ITSN2: variants seen among roughly 807,000 people sequenced by gnomAD.
ITSN2 encodes the protein intersectin 2.
A neutral mutation model predicts 243.7 loss-of-function variants in ITSN2; 156 were observed. The ratio of observed to expected loss-of-function variants is 0.64; its 90% CI spans 0.56 to 0.73. The LOEUF (loss-of-function observed/expected upper bound fraction) is 0.73, where lower values mean the gene tolerates loss of function less well. ITSN2 is among the 30% of genes least tolerant of loss of function. The pLI is 0.00. For missense variants in ITSN2, 1,801 were observed against 1,996.1 expected, an observed-to-expected ratio of 0.90 and a Z score of 1.86; for synonymous variants, 703 against 699.9, an observed-to-expected ratio of 1.00 and a Z score of -0.07.
intron 32 of ITSN2, among the ~76,000 whole-genome samples, chr2:24,213,122 T>G (rs1320659461): frequency 6.6e-6 from 1 of 152,158 alleles, no homozygotes; most frequent in Non-Finnish European, 1.5e-5. Context: ...GTGCTGGGAC[T>G]GTCCCCTGCC....
intron 2 of ITSN2, among the ~76,000 whole-genome samples, chr2:24,327,368 A>G (rs1366797305): frequency 6.6e-6 from 1 of 150,928 alleles, no homozygotes; most frequent in Admixed American, 6.6e-5. Context: ...CTATCTCGGT[A>G]CACTGCAACC....
intron 1 of ITSN2, chr2:24,334,491 G>A (rs759038407): frequency 4.5e-5 from 31 of 685,880 alleles, no homozygotes; most frequent in Non-Finnish European, 8.3e-5. Context: ...TACTTTCCGT[G>A]CCAATAGCGC....
chr2:24,357,009 C>T (rs907976211), intron 1 of ITSN2, among the ~76,000 whole-genome samples: 5 of 151,950 alleles, frequency 3.3e-5, no homozygotes, highest in South Asian at 2.1e-4. Flanking sequence ...CGAAATGGAA[C>T]GCTTTTACAC....
upstream of ITSN2, among the ~76,000 whole-genome samples, chr2:24,361,131 G>A (rs1688969716): frequency 2.0e-5 from 3 of 152,128 alleles, no homozygotes; most frequent in Non-Finnish European, 4.4e-5. Flanking sequence ...CACACGCGGA[G>A]CGCCCACGAG....
chr2:24,204,173 G>A lies in ITSN2; in HGVS notation c.4936+72C>T, dbSNP rs961699800. ...GGCATGGGGTCTGCACACAGCTGAA[G>A]CCCCTAGATCTGGACTCCAGGATCT... is the stretch of plus-strand genomic sequence containing the variant. On this transcript the variant is annotated intron_variant, in intron 39 of 39. Coordinates refer to ENST00000355123, the MANE Select transcript of ITSN2 (RefSeq NM_006277.3). This position sits in a 1 kb window ranked among gnomAD's most constrained non-coding sequence, Gnocchi z 5.1. The A allele has an allele frequency of 2.5e-5, 37 of 1,462,378 alleles. No homozygotes were observed. Among genetic ancestry groups the A allele is most frequent in the Non-Finnish European group, 3.4e-5 (36 of 1,048,794 alleles). The allele number at this position is 1,462,378 out of a possible 1,614,324, so 90.6% of individuals were successfully genotyped here.
intron 27 of ITSN2, among the ~76,000 whole-genome samples, chr2:24,247,163 T>C (rs1230582546): frequency 1.3e-5 from 2 of 152,172 alleles, no homozygotes; most frequent in Admixed American, 6.5e-5. Context: ...GTATCAGCTC[T>C]ACCTTGGTAG....
intron 18 of ITSN2, among the ~76,000 whole-genome samples, chr2:24,275,252 T>C (rs558751795): frequency 6.6e-6 from 1 of 152,352 alleles, no homozygotes; most frequent in South Asian, 2.1e-4. Flanking sequence ...AAGGTCTTGC[T>C]ATGTTGCCCA....
In ITSN2 at chr2:24,358,187, G is replaced by T. The variant is rs1247815131; in HGVS notation, c.-34+2117C>A. On this transcript the variant is annotated intron_variant, in intron 1 of 39. Coordinates refer to ENST00000355123, the MANE Select transcript of ITSN2 (RefSeq NM_006277.3). ...GCCTCCCAAAGTGCTGGGATTACAG[G>T]CATGAGCCAGGGCACCCGGCACATA... 2.6e-5 allele frequency among the ~76,000 whole-genome samples: 4 copies of T among 152,214 alleles called. No homozygotes were observed. In the East Asian group the frequency reaches 7.7e-4, roughly 29 times the overall value.
rs756711322 is a variant in ITSN2 at position 24,271,859 on chromosome 2, C to A, written c.2164G>T (p.Glu722Ter). 1.9e-6 allele frequency: 3 copies of A among 1,609,532 alleles called. No homozygotes were observed. The highest frequency in any genetic ancestry group is 2.5e-6 in the Non-Finnish European group (3 of 1,178,948). ...EEEKQKRLQE[E>*]KTQEKIQEEE... ...TCTTGAATTTTTTCTTGTGTTTTTT[C>A]TTCCTGGAGTCGCTTTTGTTTTTCT... Residue 722 changes from glutamate (E) to a stop codon, truncating the protein, a stop_gained, in exon 19 of 40, where the codon GAA becomes TAA. Transcript: ENST00000355123. LOFTEE classifies it high-confidence loss of function.
chr2:24,302,738 G>A (rs994624193), intron 9 of ITSN2, among the ~76,000 whole-genome samples: 1 of 152,072 alleles, frequency 6.6e-6, no homozygotes, highest in Non-Finnish European at 1.5e-5. Flanking sequence ...CTTACTCCAT[G>A]GTTAATTCAC....
At chr2:24,230,235 G>A (rs996774780) in intron 29 of ITSN2, among the ~76,000 whole-genome samples, 5 of 152,080 alleles carry the variant, frequency 3.3e-5, no homozygotes, top group Admixed American at 6.5e-5. Flanking sequence ...AGCTGCTCAC[G>A]CCACCTGATA....
At chr2:24,302,399 C>T (rs1232985699) in intron 9 of ITSN2, among the ~76,000 whole-genome samples, 4 of 152,048 alleles carry the variant, frequency 2.6e-5, no homozygotes, top group South Asian at 2.1e-4. Context: ...GGGGTTTCAC[C>T]GTGTTAGCCA....
intron 1 of ITSN2, among the ~76,000 whole-genome samples, chr2:24,345,267 G>A (rs1441006962): frequency 6.6e-6 from 1 of 151,934 alleles, no homozygotes; most frequent in Admixed American, 6.6e-5. Context: ...TTTCCCCTAT[G>A]TTTTTATTTT....
intron 1 of ITSN2, among the ~76,000 whole-genome samples, chr2:24,344,594 T>C (rs777772298): frequency 6.6e-6 from 1 of 152,214 alleles, no homozygotes; most frequent in Non-Finnish European, 1.5e-5. Context: ...TAGCATGCTG[T>C]TCAATGGAAA....
intron 1 of ITSN2, among the ~76,000 whole-genome samples, chr2:24,356,153 G>C (rs1688422802): frequency 2.0e-5 from 3 of 150,094 alleles, no homozygotes; most frequent in Non-Finnish European, 4.4e-5. Flanking sequence ...AGTGAGCCAA[G>C]ATCGCACCAT....
At chr2:24,217,345 T>C (rs1335416887) in intron 31 of ITSN2, among the ~76,000 whole-genome samples, 1 of 152,192 alleles carries the variant, frequency 6.6e-6, no homozygotes, top group Non-Finnish European at 1.5e-5. Flanking sequence ...AGATTCTAAC[T>C]TGTTCTTGGT....
At chr2:24,255,615 G>A (rs1674917743) in intron 23 of ITSN2, among the ~76,000 whole-genome samples, 1 of 151,194 alleles carries the variant, frequency 6.6e-6, no homozygotes, top group East Asian at 2.0e-4. Flanking sequence ...GCTACAGAGT[G>A]AGACTCTGTC....
In ITSN2 at chr2:24,308,684, C is replaced by T. The variant is rs765730684; in HGVS notation, c.726G>A (p.Gln242=). 2 of 1,534,694 alleles carry T rather than the reference C, an allele frequency of 1.3e-6. No individual in the cohort carries two copies. The highest frequency in any genetic ancestry group is 3.5e-4 in the Middle Eastern group (2 of 5,720). The change falls in exon 8 of 40, where the codon CAG becomes CAA. Residue 242 remains glutamine (Q), a synonymous_variant. Coordinates refer to ENST00000355123, the MANE Select transcript of ITSN2 (RefSeq NM_006277.3). The stretch of plus-strand genomic sequence containing the variant: ...TTTGCCGATATTTTAATCTTGTAGG[C>T]TGAGGAACTGCCCACTCTGAGGTCC... The part of the protein sequence containing the change: ...KTGTSEWAVP[Q]PTRLKYRQKF...
At chr2:24,235,308 A>G (rs943221571) in intron 29 of ITSN2, among the ~76,000 whole-genome samples, 1 of 150,254 alleles carries the variant, frequency 6.7e-6, no homozygotes. Context: ...TAAAAAGATC[A>G]GTGGTTGCCA....
Sources: gnomAD v4.1 joint callset for allele counts (sites outside exome capture counted in the v4.1 genomes callset) on GRCh38, gnomAD v4.1.1 for gene constraint, Gnocchi (gnomAD v3.1) non-coding constraint, MANE v1.5 for transcripts, NCBI Gene and HGNC (gene_info 2026-07-23, HGNC 2026-07-21) for gene names.